The following ALCAM variants were observed in gnomAD, a reference collection of about 807,000 sequenced individuals.
ALCAM encodes activated leukocyte cell adhesion molecule.
Under a neutral mutation model 70.9 loss-of-function variants are expected in ALCAM, and 30 were observed. That is an observed-to-expected ratio of 0.42 (90% CI 0.32 to 0.57). ALCAM has a LOEUF of 0.57. Ranked by LOEUF, ALCAM falls within the 20% of genes least tolerant of loss-of-function variation. The probability of loss-of-function intolerance (pLI) is 0.11; values close to 1 mark genes in which losing one functional copy is unlikely to be tolerated. For synonymous variants in ALCAM, 249 were observed against 242.5 expected (o/e 1.03, Z -0.25); for missense variants, 591 against 695.1 (o/e 0.85, Z 1.68).
chr3:105,466,928 AGGCTGTCAGAAACT>A, intron 1 of ALCAM, among the ~76,000 whole-genome samples: 1 of 151,496 alleles, frequency 6.6e-6, no homozygotes, highest in Admixed American at 6.6e-5. Context: ...ACATTAAGTA[AGGCTGTCAGAAACT>A]GATTTATAGA....
intron 1 of ALCAM, among the ~76,000 whole-genome samples, chr3:105,472,279 G>T (rs570135392): frequency 6.6e-6 from 1 of 151,416 alleles, no homozygotes; most frequent in Admixed American, 6.6e-5. Flanking sequence ...GTTGGGAAAG[G>T]CAATATACAT....
rs139618983 is a variant in ALCAM, at chr3:105,433,918, T to A, written c.73+66437T>A. Among the ~76,000 whole-genome samples the A allele has an allele frequency of 9.0e-3, 1,361 of 151,842 alleles. 15 individuals are homozygous for A. Among genetic ancestry groups the A allele is most frequent in the African/African-American group, 0.015 (620 of 41,388 alleles). ...ACTGCAAAAACAGTCCTCCTGGGTC[T>A]GTTGCCAGGAAGAAAACTGAGTAAT... On this transcript the variant is annotated intron_variant, in intron 1 of 15. Coordinates refer to ENST00000306107, the MANE Select transcript of ALCAM (RefSeq NM_001627.4).
At chr3:105,404,587 C>G (rs941977671) in intron 1 of ALCAM, among the ~76,000 whole-genome samples, 3 of 151,746 alleles carry the variant, frequency 2.0e-5, no homozygotes, top group Admixed American at 1.3e-4. Context: ...AAAAGGAGCT[C>G]TAAATCCTGA....
At chr3:105,367,760 C>T (rs1935104574) in intron 1 of ALCAM, among the ~76,000 whole-genome samples, 1 of 152,210 alleles carries the variant, frequency 6.6e-6, no homozygotes, top group African/African-American at 2.4e-5. Flanking sequence ...GACGCTCTCC[C>T]CTTGTCCCTG....
intron 1 of ALCAM, among the ~76,000 whole-genome samples, chr3:105,404,339 C>T (rs1422179687): frequency 6.6e-6 from 1 of 152,100 alleles, no homozygotes; most frequent in Non-Finnish European, 1.5e-5. Context: ...GAGGCAAAAG[C>T]ATCAGGTAAC....
intron 4 of ALCAM, among the ~76,000 whole-genome samples, chr3:105,532,314 A>G (rs1037739869): frequency 2.0e-5 from 3 of 152,116 alleles, no homozygotes; most frequent in Non-Finnish European, 4.4e-5. Context: ...GAATTAATGG[A>G]TTGTTTAATA....
At chr3:105,529,570 A>G (rs1436999610) in intron 3 of ALCAM, among the ~76,000 whole-genome samples, 1 of 152,166 alleles carries the variant, frequency 6.6e-6, no homozygotes, top group Non-Finnish European at 1.5e-5. Context: ...GGAAAATGAA[A>G]TAAGTATTAC....
intron 6 of ALCAM, among the ~76,000 whole-genome samples, chr3:105,536,884 T>C (rs1341253448): frequency 6.6e-6 from 1 of 152,114 alleles, no homozygotes; most frequent in Non-Finnish European, 1.5e-5. Flanking sequence ...AAGGACTTGT[T>C]AGAGCACAGA....
intron 1 of ALCAM, among the ~76,000 whole-genome samples, chr3:105,426,704 C>T (rs777265003): frequency 9.9e-5 from 15 of 151,734 alleles, no homozygotes; most frequent in Admixed American, 2.0e-4. Flanking sequence ...GGAAAAGCAA[C>T]GAACTTGCTT....
chr3:105,423,124 G>A (rs1262242140), intron 1 of ALCAM, among the ~76,000 whole-genome samples: 3 of 151,326 alleles, frequency 2.0e-5, no homozygotes, highest in Non-Finnish European at 3.0e-5. Flanking sequence ...AATGTAGATG[G>A]TGAATCAAAG....
chr3:105,559,853 A>G (rs1000982839), intron 14 of ALCAM, among the ~76,000 whole-genome samples: 13 of 152,046 alleles, frequency 8.6e-5, no homozygotes, highest in African/African-American at 2.4e-4. Context: ...TCCCCTTAAC[A>G]TGTTTTTGAG....
Position 105,576,658 on chromosome 3 carries a change from T to G in ALCAM, c.*2207T>G, listed in dbSNP as rs1024142814. The G allele has an allele frequency of 1.3e-5, 2 of 152,234 alleles. No homozygotes were observed. Among genetic ancestry groups the G allele is most frequent in the Non-Finnish European group, 2.9e-5 (2 of 68,014 alleles). 9.4% of individuals were successfully genotyped at this position (152,234 alleles called of 1,614,324 possible). A position where few individuals can be genotyped will look rare whatever the true frequency, so the allele number is the denominator to read the frequency against. On this transcript the variant is annotated 3_prime_UTR_variant, in exon 16 of 16. Coordinates refer to ENST00000306107, the MANE Select transcript of ALCAM (RefSeq NM_001627.4). Reference sequence around the variant, plus strand: ...ACATTATTACCATCGATTCAGTGCCTGGATAAAGAGGAAAGCTTACTTGTT... The same window carrying G: ...ACATTATTACCATCGATTCAGTGCCGGGATAAAGAGGAAAGCTTACTTGTT...
At chr3:105,548,805 C>A (rs191279126) in intron 11 of ALCAM, among the ~76,000 whole-genome samples, 412 of 151,508 alleles carry the variant, frequency 2.7e-3, no homozygotes, top group Non-Finnish European at 4.7e-3. Context: ...ATCTAAATTG[C>A]TGACAATGTG....
chr3:105,523,726 T>C (rs1939615359), intron 2 of ALCAM, among the ~76,000 whole-genome samples: 1 of 152,236 alleles, frequency 6.6e-6, no homozygotes, highest in Non-Finnish European at 1.5e-5. Context: ...TTAATCTGAC[T>C]CATTCCTTAA....
In ALCAM at chr3:105,575,125, A is replaced by G. The variant is rs1035461694; in HGVS notation, c.*674A>G. On this transcript the variant is annotated 3_prime_UTR_variant, in exon 16 of 16. Coordinates refer to ENST00000306107, the MANE Select transcript of ALCAM (RefSeq NM_001627.4). Reference sequence around the variant, plus strand: ...CATATAGACACACATACATAATGGTACTCCCAAACTGACAATTTTACCTAT... The same window carrying G: ...CATATAGACACACATACATAATGGTGCTCCCAAACTGACAATTTTACCTAT... 8 of 152,610 alleles carry G rather than the reference A, an allele frequency of 5.2e-5. No individual in the cohort carries two copies. The highest frequency in any genetic ancestry group is 1.9e-4 in the African/African-American group (8 of 41,460). 9.5% of individuals were successfully genotyped at this position (152,610 alleles called of 1,614,324 possible).
chr3:105,406,302 C>A (rs897203122), intron 1 of ALCAM, among the ~76,000 whole-genome samples: 37 of 152,114 alleles, frequency 2.4e-4, no homozygotes, highest in Admixed American at 1.5e-3. Context: ...TTTAGACCCA[C>A]AATAAAACTT....
chr3:105,522,329 G>A (rs1032219469), intron 2 of ALCAM, among the ~76,000 whole-genome samples: 2 of 151,952 alleles, frequency 1.3e-5, no homozygotes, highest in African/African-American at 4.8e-5. Context: ...CAAATTTTTA[G>A]TTAAGCAAAA....
intron 1 of ALCAM, among the ~76,000 whole-genome samples, chr3:105,408,914 A>G (rs1388435492): frequency 2.0e-5 from 3 of 152,206 alleles, no homozygotes; most frequent in African/African-American, 7.2e-5. Flanking sequence ...TCTCAAAAGA[A>G]GATGTACAAT....
chr3:105,562,293 G>T (rs1940644152), intron 14 of ALCAM, among the ~76,000 whole-genome samples: 1 of 152,138 alleles, frequency 6.6e-6, no homozygotes, highest in African/African-American at 2.4e-5. Context: ...TTACTACAAA[G>T]TATCCTTTAT....
Sources: gnomAD v4.1 joint callset for allele counts (sites outside exome capture counted in the v4.1 genomes callset) on GRCh38, gnomAD v4.1.1 for gene constraint, MANE v1.5 for transcripts, NCBI Gene and HGNC (gene_info 2026-07-23, HGNC 2026-07-21) for gene names.